The following EFCC1 variants were observed in gnomAD, a reference collection of about 807,000 sequenced individuals.
EFCC1 encodes EF-hand and coiled-coil domain containing 1.
Under a neutral mutation model 52.1 loss-of-function variants are expected in EFCC1, and 50 were observed. The observed-to-expected ratio is 0.96, with a 90% confidence interval of 0.76 to 1.21. The LOEUF (loss-of-function observed/expected upper bound fraction) is 1.21. EFCC1 is among the 50% of genes most tolerant of loss of function. The pLI, the probability that EFCC1 is intolerant of heterozygous loss-of-function variation, is 0.00. For synonymous variants in EFCC1, 399 were observed against 396.5 expected (o/e 1.01, Z -0.08); for missense variants, 837 against 867.3 (o/e 0.97, Z 0.44).
In EFCC1 at chr3:129,001,632, G is replaced by A; in HGVS notation, c.4G>A (p.Glu2Lys). 2.9e-6 allele frequency: 4 copies of A among 1,364,014 alleles called. No homozygotes were observed. The highest frequency in any genetic ancestry group is 3.8e-6 in the Non-Finnish European group (4 of 1,063,500). 84.5% of individuals were successfully genotyped at this position (1,364,014 alleles called of 1,614,324 possible). Residue 2 changes from glutamate to lysine, a missense_variant, in exon 1 of 8, where the codon GAG becomes AAG. Coordinates refer to ENST00000683648, the MANE Select transcript of EFCC1 (RefSeq NM_001377500.1). Reference sequence around the variant, plus strand: ...GAGCGAGGCGCGCGGCGCAGCGATGGAGCCGGTCAGCACGGGCGCGGAGGC... The same window carrying A: ...GAGCGAGGCGCGCGGCGCAGCGATGAAGCCGGTCAGCACGGGCGCGGAGGC... Reference protein sequence around the residue: MEPVSTGAEAGM... With the variant: MKPVSTGAEAGM...
At chr3:129,035,240 C>T (rs1946340450) in intron 5 of EFCC1, among the ~76,000 whole-genome samples, 1 of 152,202 alleles carries the variant, frequency 6.6e-6, no homozygotes, top group African/African-American at 2.4e-5. Context: ...ATGATACCAG[C>T]TGACTTGTAC....
At chr3:129,020,700 A>G (rs759049385) in intron 2 of EFCC1, among the ~76,000 whole-genome samples, 7 of 152,192 alleles carry the variant, frequency 4.6e-5, no homozygotes, top group Admixed American at 3.3e-4. Context: ...TTGGTAAGGC[A>G]CGCTTATTGG....
intron 2 of EFCC1, among the ~76,000 whole-genome samples, chr3:129,020,811 C>T (rs115260530): frequency 0.011 from 1,636 of 152,268 alleles, 18 homozygotes; most frequent in Non-Finnish European, 0.018. Context: ...AGGTTACAGG[C>T]TGGCTGGGCA....
At chr3:129,008,112 T>C (rs909156680) in intron 2 of EFCC1, among the ~76,000 whole-genome samples, 2 of 152,248 alleles carry the variant, frequency 1.3e-5, no homozygotes, top group Admixed American at 1.3e-4. Context: ...AGGCCCTGAT[T>C]CTAGACCAGT....
chr3:129,007,394 T>C (rs1945120539), intron 2 of EFCC1, among the ~76,000 whole-genome samples: 1 of 152,148 alleles, frequency 6.6e-6, no homozygotes, highest in Non-Finnish European at 1.5e-5. Flanking sequence ...CATCACACCC[T>C]CTTAAGTGAC....
At chr3:129,028,641 C>CT (rs370016067) in intron 2 of EFCC1, among the ~76,000 whole-genome samples, 1,966 of 150,300 alleles carry the variant, frequency 0.013, 40 homozygotes, top group African/African-American at 0.045. Flanking sequence ...TTTCTTTTTT[C>CT]TTTTTTTTTT....
chr3:129,030,419 A>C (rs1946247591), intron 2 of EFCC1: 2 of 262,178 alleles, frequency 7.6e-6, no homozygotes, highest in Non-Finnish European at 1.4e-5. Context: ...AAAGGCAGGA[A>C]GGAAGGGGCA....
chr3:129,013,414 T>C (rs181026933), intron 2 of EFCC1, among the ~76,000 whole-genome samples: 89 of 152,338 alleles, frequency 5.8e-4, no homozygotes, highest in African/African-American at 2.0e-3. Context: ...CGTATATAGC[T>C]TCAGGCATGG....
intron 3 of EFCC1, among the ~76,000 whole-genome samples, chr3:129,031,214 G>A (rs1253948200): frequency 6.6e-6 from 1 of 152,204 alleles, no homozygotes; most frequent in Non-Finnish European, 1.5e-5. Context: ...TAGACTGCTT[G>A]AGCTCAGGGG....
At position 129,034,334 on chromosome 3, in the gene EFCC1, G is replaced by T. The variant is rs1946328799; in HGVS notation, c.1452+5G>T. The T allele has an allele frequency of 1.2e-6, 2 of 1,613,530 alleles. No homozygotes were observed. Among genetic ancestry groups the T allele is most frequent in the African/African-American group, 2.7e-5 (2 of 74,876 alleles). The stretch of plus-strand genomic sequence containing the variant: ...CTGGGGACCTCTGAGGAGGAGGTCA[G>T]CAGAGCCTAGAGATCAAAGGCTGGA... On this transcript the variant is annotated splice_donor_5th_base_variant and intron_variant, in intron 5 of 7. Transcript: ENST00000683648.
intron 2 of EFCC1, among the ~76,000 whole-genome samples, chr3:129,019,031 C>T (rs556020829): frequency 1.3e-5 from 2 of 152,316 alleles, no homozygotes; most frequent in East Asian, 1.9e-4. Context: ...CCCACACCAC[C>T]GTGCAGCAGC....
intron 2 of EFCC1, among the ~76,000 whole-genome samples, chr3:129,021,602 C>T (rs896623415): frequency 6.6e-6 from 1 of 151,094 alleles, no homozygotes; most frequent in African/African-American, 2.5e-5. Flanking sequence ...ACAAAAAACA[C>T]TGGCAGTCCT....
intron 2 of EFCC1, among the ~76,000 whole-genome samples, chr3:129,025,160 G>A (rs181493406): frequency 6.6e-6 from 1 of 152,310 alleles, no homozygotes; most frequent in East Asian, 1.9e-4. Flanking sequence ...AGAGGCCAGA[G>A]CTGGAGATAA....
chr3:129,039,630 G>C, intron 7 of EFCC1, 82 bp from the exon 8 acceptor site: 1 of 1,510,316 alleles, frequency 6.6e-7, no homozygotes, highest in Non-Finnish European at 8.9e-7. Flanking sequence ...GAGTGGCTGG[G>C]TCTCAGGAAG....
chr3:129,024,702 T>G (rs1371601748), intron 2 of EFCC1, among the ~76,000 whole-genome samples: 1 of 151,948 alleles, frequency 6.6e-6, no homozygotes, highest in Non-Finnish European at 1.5e-5. Flanking sequence ...CATTCCTGTA[T>G]CTGGAGCCCA....
At position 129,032,826 on chromosome 3, in the gene EFCC1, C is replaced by T. The variant is rs753141632; in HGVS notation, c.1146C>T (p.Asp382=). The T allele has an allele frequency of 5.5e-5, 86 of 1,550,926 alleles. No homozygotes were observed. The highest frequency in any genetic ancestry group is 1.7e-4 in the Middle Eastern group (1 of 5,792). The change falls in exon 4 of 8, where the codon GAC becomes GAT. Residue 382 remains aspartate, a synonymous_variant. Transcript: ENST00000683648. ...SGSRALDEAV[D]EQLFRSVEGQ... ...CATCCTGTGCTTCCCCAGCAGTGGA[C>T]GAGCAGCTGTTCCGCTCCGTGGAGG...
At chr3:129,003,102 T>C (rs1322781313) in intron 1 of EFCC1, among the ~76,000 whole-genome samples, 1 of 152,040 alleles carries the variant, frequency 6.6e-6, no homozygotes, top group Non-Finnish European at 1.5e-5. Context: ...GAAACTGACA[T>C]TATATGACCC....
At chr3:129,019,398 C>G (rs895359449) in intron 2 of EFCC1, among the ~76,000 whole-genome samples, 1 of 152,212 alleles carries the variant, frequency 6.6e-6, no homozygotes, top group Non-Finnish European at 1.5e-5. Context: ...GAAGCCCAGT[C>G]AGTCCACTCA....
chr3:129,038,769 C>T, intron 6 of EFCC1, 62 bp from the exon 7 acceptor site: 3 of 1,549,430 alleles, frequency 1.9e-6, no homozygotes, highest in Non-Finnish European at 2.7e-6. Context: ...CACCAGTTCC[C>T]ATCGGCTGAA....
Sources: gnomAD v4.1 joint callset for allele counts (sites outside exome capture counted in the v4.1 genomes callset) on GRCh38, gnomAD v4.1.1 for gene constraint, MANE v1.5 for transcripts, NCBI Gene and HGNC (gene_info 2026-07-23, HGNC 2026-07-21) for gene names.